The following NTAQ1 variants were observed in gnomAD, a reference collection of about 807,000 sequenced individuals.
The protein encoded by NTAQ1 is protein N-terminal glutamine amidohydrolase.
NTAQ1 carries 21 observed loss-of-function variants against 28.2 expected under a neutral mutation model. That is an observed-to-expected ratio of 0.74 (90% CI 0.53 to 1.07). NTAQ1 has a LOEUF of 1.07. NTAQ1 is among the 50% of genes least tolerant of loss of function. The pLI, the probability that NTAQ1 is intolerant of heterozygous loss-of-function variation, is 0.00. For missense variants in NTAQ1, 264 were observed against 256.6 expected (o/e 1.03, Z -0.20); for synonymous variants, 105 against 90.0 (o/e 1.17, Z -0.94).
At chr8:123,435,451 C>G (rs1011585611) in intron 3 of NTAQ1, 1 of 985,322 alleles carries the variant, frequency 1.0e-6, no homozygotes, top group African/African-American at 1.7e-5. Flanking sequence ...GGCTGACCCC[C>G]AGAAGCCTCC....
chr8:123,431,568 C>T (rs1814396952), intron 3 of NTAQ1, among the ~76,000 whole-genome samples: 1 of 152,200 alleles, frequency 6.6e-6, no homozygotes, highest in Admixed American at 6.5e-5. Context: ...CTGACGTTCT[C>T]AGTTTCGTTG....
intron 1 of NTAQ1, among the ~76,000 whole-genome samples, chr8:123,424,399 C>T (rs533178317): frequency 6.6e-6 from 1 of 152,234 alleles, no homozygotes; most frequent in African/African-American, 2.4e-5. Flanking sequence ...CCTGCCACCA[C>T]ACCCATCTAA....
intron 1 of NTAQ1, among the ~76,000 whole-genome samples, chr8:123,422,989 C>A (rs1275216266): frequency 1.3e-5 from 2 of 152,104 alleles, no homozygotes; most frequent in Admixed American, 1.3e-4. Flanking sequence ...GTTCTCTAAC[C>A]TGTTCCATTG....
chr8:123,419,148 G>T (rs1011687054), intron 1 of NTAQ1, among the ~76,000 whole-genome samples: 50 of 136,136 alleles, frequency 3.7e-4, no homozygotes, highest in Admixed American at 6.8e-4. Flanking sequence ...GCCCAGGCTG[G>T]AGTGCAATGA....
At position 123,426,576 on chromosome 8, in the gene NTAQ1, G is replaced by A. The variant is rs558436796; in HGVS notation, c.84-1348G>A. Among the ~76,000 whole-genome samples, 3 of 152,310 alleles carry A rather than the reference G, an allele frequency of 2.0e-5. No homozygotes were observed. In the South Asian group the frequency reaches 6.2e-4, roughly 32 times the overall value. ...CATCTGTGGTCCCAGCTACTCAGGA[G>A]GCTGAGGCTGGGAGTTTGAGGCTGC... On this transcript the variant is annotated intron_variant, in intron 1 of 5. Coordinates refer to ENST00000287387, the MANE Select transcript of NTAQ1 (RefSeq NM_018024.3).
At chr8:123,431,229 C>T (rs913983895) in intron 3 of NTAQ1, among the ~76,000 whole-genome samples, 24 of 151,458 alleles carry the variant, frequency 1.6e-4, no homozygotes, top group Non-Finnish European at 2.5e-4. Context: ...CCCAGCTACT[C>T]GGGAGGCTGA....
At chr8:123,449,859 T>TTCTCTCTCTCTCTCTCTCTC (rs112959997), downstream of NTAQ1, among the ~76,000 whole-genome samples, 407 of 111,190 alleles carry the variant, frequency 3.7e-3, 3 homozygotes, top group African/African-American at 0.014. Flanking sequence ...GCTCGCTGCT[T>TTCTCTCTCTCTCTCTCTCTC]TCTCTCTCTC....
At chr8:123,433,134 A>G (rs979139158) in intron 3 of NTAQ1, among the ~76,000 whole-genome samples, 10 of 152,182 alleles carry the variant, frequency 6.6e-5, no homozygotes, top group African/African-American at 2.2e-4. Context: ...CAGACACTGA[A>G]CCAACTCAGA....
chr8:123,434,026 A>G (rs1344992585), intron 3 of NTAQ1, among the ~76,000 whole-genome samples: 1 of 151,866 alleles, frequency 6.6e-6, no homozygotes, highest in African/African-American at 2.4e-5. Context: ...AAGCCAAAAG[A>G]TTGGACACCC....
chr8:123,417,184 C>T lies in NTAQ1; in HGVS notation c.83+252C>T, dbSNP rs569871807. Among the ~76,000 whole-genome samples, 13 of 152,328 alleles carry T rather than the reference C, an allele frequency of 8.5e-5. No individual in the cohort carries two copies. In the East Asian group the frequency reaches 1.2e-3, roughly 14 times the overall value. ...TGCATTACCTGTGCCTGGCGCTTGT[C>T]GGTTGGATTTGCTCAGCAGATCTCT... On this transcript the variant is annotated intron_variant, in intron 1 of 5. Transcript: ENST00000287387.
At chr8:123,445,017 G>A (rs1815216801), downstream of NTAQ1, among the ~76,000 whole-genome samples, 1 of 152,110 alleles carries the variant, frequency 6.6e-6, no homozygotes, top group Non-Finnish European at 1.5e-5. Flanking sequence ...GGTAGTAAAT[G>A]CAAACCTTTT....
intron 3 of NTAQ1, among the ~76,000 whole-genome samples, chr8:123,432,166 T>C (rs1814436990): frequency 6.6e-6 from 1 of 152,202 alleles, no homozygotes; most frequent in Admixed American, 6.5e-5. Context: ...TCGAGAACAC[T>C]AAATCCTGAA....
chr8:123,423,708 T>C (rs1272807724), intron 1 of NTAQ1, among the ~76,000 whole-genome samples: 1 of 152,152 alleles, frequency 6.6e-6, no homozygotes, highest in Non-Finnish European at 1.5e-5. Context: ...AATTGCTGAC[T>C]AAAAGGGACT....
At chr8:123,425,825 A>T (rs959783732) in intron 1 of NTAQ1, among the ~76,000 whole-genome samples, 2 of 152,054 alleles carry the variant, frequency 1.3e-5, no homozygotes, top group East Asian at 3.9e-4. Context: ...GCCATGGCCA[A>T]CATGTGATGG....
At chr8:123,438,096 G>C (rs1410258914) in intron 5 of NTAQ1, 6 of 692,702 alleles carry the variant, frequency 8.7e-6, no homozygotes, top group Non-Finnish European at 1.6e-5. Context: ...GCGCTAGCAG[G>C]TTTTATTGTA....
At chr8:123,439,109 T>A (rs1197975116) in intron 5 of NTAQ1, among the ~76,000 whole-genome samples, 1 of 152,154 alleles carries the variant, frequency 6.6e-6, no homozygotes, top group East Asian at 1.9e-4. Context: ...AGTCATTGGA[T>A]GCTGTTTTGT....
intron 3 of NTAQ1, among the ~76,000 whole-genome samples, chr8:123,430,647 G>A (rs1022544471): frequency 3.9e-5 from 6 of 152,164 alleles, no homozygotes; most frequent in Non-Finnish European, 8.8e-5. Context: ...TGAGCCTGGT[G>A]GCACTCACCT....
At chr8:123,441,190 T>C in intron 5 of NTAQ1, 116 bp from the exon 6 acceptor site, 1 of 733,940 alleles carries the variant, frequency 1.4e-6, no homozygotes, top group Non-Finnish European at 2.3e-6. Flanking sequence ...AGAAGTGACA[T>C]TGAGCCCTTA....
At position 123,441,413 on chromosome 8, in the gene NTAQ1, T is replaced by C; in HGVS notation, c.616T>C (p.Ter206ArgextTer15). ...FTHRFGSKNC[*>R] ...ACATCGGTTTGGCAGTAAAAACTGCTGAACTTGGTCTCAAGATGTGGAACT... is the reference window on the plus strand; with the variant it reads ...ACATCGGTTTGGCAGTAAAAACTGCCGAACTTGGTCTCAAGATGTGGAACT... Residue 206 changes from the stop codon to arginine (R), a stop_lost, in exon 6 of 6, where the codon TGA (stop) becomes CGA (arginine). Transcript: ENST00000287387. 6.2e-7 allele frequency: 1 copy of C among 1,604,422 alleles called. No individual in the cohort carries two copies. The highest frequency in any genetic ancestry group is 2.3e-5 in the East Asian group (1 of 44,002).
Sources: allele counts gnomAD v4.1 joint callset (sites outside exome capture counted in the v4.1 genomes callset), GRCh38; gene constraint gnomAD v4.1.1; transcripts MANE v1.5; gene names NCBI Gene and HGNC (gene_info 2026-07-23, HGNC 2026-07-21).